The following NEK11 variants were observed in gnomAD, a reference collection of about 807,000 sequenced individuals.
NEK11 encodes NIMA related kinase 11.
A neutral mutation model predicts 80.7 loss-of-function variants in NEK11; 72 were observed. The ratio of observed to expected loss-of-function variants is 0.89; its 90% CI spans 0.74 to 1.08. The LOEUF (loss-of-function observed/expected upper bound fraction) is 1.08. Among genes scored for constraint, NEK11 ranks in the 50% least tolerant of loss-of-function variants. The probability of loss-of-function intolerance (pLI) is 0.00; values close to 1 mark genes in which losing one functional copy is unlikely to be tolerated. For synonymous variants in NEK11, 251 were observed against 260.7 expected, an observed-to-expected ratio of 0.96 and a Z score of 0.36; for missense variants, 764 against 763.6, an observed-to-expected ratio of 1.00 and a Z score of -0.01.
chr3:131,216,911 A>G (rs1441007075), intron 14 of NEK11, among the ~76,000 whole-genome samples: 1 of 152,198 alleles, frequency 6.6e-6, no homozygotes, highest in Non-Finnish European at 1.5e-5. Flanking sequence ...TGCAGCAGCC[A>G]TTTGGCATGT....
chr3:131,030,590 A>C (rs573022210), intron 3 of NEK11, among the ~76,000 whole-genome samples: 1 of 152,382 alleles, frequency 6.6e-6, no homozygotes, highest in East Asian at 1.9e-4. Context: ...TACCAAAGAA[A>C]GTAACAGTAT....
chr3:131,059,650 T>C (rs1016261422), intron 3 of NEK11, among the ~76,000 whole-genome samples: 1 of 152,216 alleles, frequency 6.6e-6, no homozygotes, highest in African/African-American at 2.4e-5. Flanking sequence ...TGTATCAAAG[T>C]ATGCACACAA....
At chr3:131,290,927 C>T (rs763853428) in intron 17 of NEK11, among the ~76,000 whole-genome samples, 1 of 152,172 alleles carries the variant, frequency 6.6e-6, no homozygotes, top group Non-Finnish European at 1.5e-5. Context: ...AACTGATGAA[C>T]CTGCATTCAT....
At chr3:131,169,081 C>A in intron 13 of NEK11, 144 bp downstream of exon 13, 1 of 548,052 alleles carries the variant, frequency 1.8e-6, no homozygotes, top group South Asian at 3.1e-5. Context: ...CTTCATTGAG[C>A]TGAAAAAGAT....
In NEK11 at chr3:131,033,371, A is replaced by G. The variant is rs72987841; in HGVS notation, c.170+3493A>G. 4.5e-3 allele frequency among the ~76,000 whole-genome samples: 686 copies of G among 152,336 alleles called. 4 individuals carry two copies. Among genetic ancestry groups the G allele is most frequent in the African/African-American group, 0.016 (655 of 41,582 alleles). ...AGATGAATACTTTATACAGACTTCTATAATGGTATGAATGCTATTCCTTCA... is the reference window on the plus strand; with the variant it reads ...AGATGAATACTTTATACAGACTTCTGTAATGGTATGAATGCTATTCCTTCA... On this transcript the variant is annotated intron_variant, in intron 3 of 17. Transcript: ENST00000383366.
At chr3:131,260,152 A>G (rs2095888885) in intron 16 of NEK11, among the ~76,000 whole-genome samples, 1 of 152,082 alleles carries the variant, frequency 6.6e-6, no homozygotes, top group Non-Finnish European at 1.5e-5. Context: ...TGATCACCCC[A>G]AATTTCAACC....
intron 5 of NEK11, among the ~76,000 whole-genome samples, chr3:131,110,985 T>C (rs1318950592): frequency 1.3e-5 from 2 of 152,196 alleles, no homozygotes; most frequent in South Asian, 2.1e-4. Context: ...TTTAATAAGC[T>C]ACCCAAAGCT....
At chr3:131,033,571 A>G (rs901494967) in intron 3 of NEK11, among the ~76,000 whole-genome samples, 8 of 152,332 alleles carry the variant, frequency 5.3e-5, no homozygotes, top group Non-Finnish European at 8.8e-5. Flanking sequence ...ATACATTTCT[A>G]TATTTAATCA....
At chr3:131,306,773 A>G (rs1175794539) in intron 17 of NEK11, among the ~76,000 whole-genome samples, 3 of 152,206 alleles carry the variant, frequency 2.0e-5, no homozygotes, top group African/African-American at 7.2e-5. Context: ...AACATAGTCA[A>G]GCTCCTGGAG....
rs200005357 is a variant in NEK11, at chr3:131,056,880, CTGT to C, written c.171-23532_171-23530del. Among the ~76,000 whole-genome samples, 502 of 151,166 alleles carry C rather than the reference CTGT, an allele frequency of 3.3e-3. 1 individual carries two copies. The highest frequency in any genetic ancestry group is 0.012 in the African/African-American group (476 of 41,248). ...GTCCTGGGCTTCCAGTTTTTTTTTT[CTGT>C]TGTTGTTGTTTTTATTATTATACTT... On this transcript the variant is annotated intron_variant, in intron 3 of 17. Transcript: ENST00000383366.
At chr3:131,228,749 A>G in intron 15 of NEK11, 61 bp downstream of exon 15, 1 of 1,502,114 alleles carries the variant, frequency 6.7e-7, no homozygotes, top group Non-Finnish European at 9.0e-7. Flanking sequence ...GGACTCTCCC[A>G]GAGAAGAAAG....
intron 11 of NEK11, 142 bp downstream of exon 11, chr3:131,162,669 C>A: frequency 1.1e-6 from 1 of 925,872 alleles, no homozygotes; most frequent in Non-Finnish European, 1.6e-6. Context: ...TTCACTTGTT[C>A]ACTCCAAGAT....
intron 14 of NEK11, among the ~76,000 whole-genome samples, chr3:131,176,935 G>T (rs570925408): frequency 6.6e-6 from 1 of 152,250 alleles, no homozygotes; most frequent in African/African-American, 2.4e-5. Context: ...CCTTGCTTGG[G>T]TCATCATGGC....
chr3:131,091,519 CAGAG>C (rs1362439546), intron 4 of NEK11, among the ~76,000 whole-genome samples: 1 of 152,170 alleles, frequency 6.6e-6, no homozygotes, highest in African/African-American at 2.4e-5. Flanking sequence ...AAATGTCACT[CAGAG>C]AGCATGCATC....
intron 17 of NEK11, among the ~76,000 whole-genome samples, chr3:131,278,215 A>G (rs1307446662): frequency 2.0e-5 from 3 of 152,326 alleles, no homozygotes; most frequent in Non-Finnish European, 4.4e-5. Context: ...TCACTCTTGC[A>G]GGGAGACTAC....
chr3:131,217,313 T>C (rs542359653), intron 14 of NEK11, among the ~76,000 whole-genome samples: 261 of 151,838 alleles, frequency 1.7e-3, no homozygotes, highest in Non-Finnish European at 3.2e-3. Flanking sequence ...GGGGAAGGCA[T>C]GGGGGAGGGA....
At chr3:131,107,313 T>C (rs2079341032) in intron 4 of NEK11, among the ~76,000 whole-genome samples, 1 of 151,820 alleles carries the variant, frequency 6.6e-6, no homozygotes, top group Non-Finnish European at 1.5e-5. Flanking sequence ...AGCGATACAT[T>C]GGGTTGACAT....
intron 4 of NEK11, among the ~76,000 whole-genome samples, chr3:131,089,160 T>G (rs1296113540): frequency 6.6e-6 from 1 of 152,246 alleles, no homozygotes; most frequent in East Asian, 1.9e-4. Flanking sequence ...TTGCCTAGCA[T>G]CATGCCTCAA....
intron 14 of NEK11, among the ~76,000 whole-genome samples, chr3:131,217,768 T>C (rs1042906550): frequency 6.6e-6 from 1 of 152,170 alleles, no homozygotes; most frequent in Non-Finnish European, 1.5e-5. Context: ...TTTTATTAGG[T>C]ATTTTTCTAA....
Sources: gnomAD v4.1 joint callset for allele counts (sites outside exome capture counted in the v4.1 genomes callset) on GRCh38, gnomAD v4.1.1 for gene constraint, MANE v1.5 for transcripts, NCBI Gene and HGNC (gene_info 2026-07-23, HGNC 2026-07-21) for gene names.